The following WDR19 variants were observed in gnomAD, a reference collection of about 807,000 sequenced individuals.
The protein encoded by WDR19 is WD repeat domain 19, also known as WD repeat-containing protein 19.
In WDR19, 121 loss-of-function variants were observed where a neutral mutation model predicts 180.0. That is an observed-to-expected ratio of 0.67 (90% CI 0.58 to 0.78). The LOEUF (loss-of-function observed/expected upper bound fraction) is 0.78. Among genes scored for constraint, WDR19 ranks in the 30% least tolerant of loss-of-function variants. The probability of loss-of-function intolerance (pLI) is 0.00; values close to 1 mark genes in which losing one functional copy is unlikely to be tolerated. For synonymous variants in WDR19, 497 were observed against 540.7 expected (o/e 0.92, Z 1.12); for missense variants, 1,450 against 1,640.7 (o/e 0.88, Z 2.01).
intron 21 of WDR19, among the ~76,000 whole-genome samples, chr4:39,242,505 G>A (rs1187919377): frequency 3.9e-5 from 6 of 152,080 alleles, no homozygotes. Context: ...CTGAAGTATA[G>A]TTGTGGGGTT....
chr4:39,188,539 A>G (rs1725801814), intron 3 of WDR19, among the ~76,000 whole-genome samples: 1 of 151,216 alleles, frequency 6.6e-6, no homozygotes, highest in East Asian at 2.0e-4. Context: ...TAATCATTTG[A>G]GCCCAGGAGT....
At chr4:39,253,758 GAC>G in intron 25 of WDR19, 146 bp from the exon 26 acceptor site, 1 of 559,734 alleles carries the variant, frequency 1.8e-6, no homozygotes. Flanking sequence ...CTGCCTGGGT[GAC>G]AGAGTGTGAC....
chr4:39,207,546 CA>C, intron 9 of WDR19, among the ~76,000 whole-genome samples: 1 of 152,148 alleles, frequency 6.6e-6, no homozygotes, highest in East Asian at 1.9e-4. Context: ...TTTTGAATGA[CA>C]GTGGATTTTC....
chr4:39,197,667 T>C (rs1157351427), intron 5 of WDR19, among the ~76,000 whole-genome samples: 1 of 151,892 alleles, frequency 6.6e-6, no homozygotes. Flanking sequence ...AAAAAAAATA[T>C]ATAGTTTTTG....
At chr4:39,183,803 T>C (rs1411903541) in intron 1 of WDR19, among the ~76,000 whole-genome samples, 2 of 152,174 alleles carry the variant, frequency 1.3e-5, no homozygotes, top group African/African-American at 4.8e-5. Flanking sequence ...AGTCTTGGTT[T>C]TTTGGTTGTG....
chr4:39,201,475 C>T (rs1386413750), intron 6 of WDR19, among the ~76,000 whole-genome samples: 1 of 152,154 alleles, frequency 6.6e-6, no homozygotes, highest in African/African-American at 2.4e-5. Flanking sequence ...AAAACATTTA[C>T]TCATTCAGTA....
At chr4:39,275,462 C>T (rs1735806481) in intron 33 of WDR19, 1 of 187,992 alleles carries the variant, frequency 5.3e-6, no homozygotes, top group Admixed American at 5.3e-5. Context: ...GCATCACAGT[C>T]CAGAGCTGGT....
Position 39,216,212 on chromosome 4 carries a change from C to A in WDR19, c.1249+2C>A. On this transcript the variant is annotated splice_donor_variant, in intron 12 of 36. Coordinates refer to ENST00000399820, the MANE Select transcript of WDR19 (RefSeq NM_025132.4). LOFTEE classifies it high-confidence loss of function. ...GGTTTTATGTCCTTGGAGAAAATGG[C>A]AAGTCTAAATCCAGTTGTTTATTCT... is the stretch of plus-strand genomic sequence containing the variant. 1 of 1,555,026 alleles carries A rather than the reference C, an allele frequency of 6.4e-7. No homozygotes were observed. The highest frequency in any genetic ancestry group is 2.0e-5 in the Admixed American group (1 of 50,468).
chr4:39,200,079 C>A (rs1233112699), intron 6 of WDR19, among the ~76,000 whole-genome samples: 1 of 152,138 alleles, frequency 6.6e-6, no homozygotes, highest in African/African-American at 2.4e-5. Flanking sequence ...TCAGAGGCTC[C>A]CTCCTTATGG....
Position 39,228,705 on chromosome 4 carries a change from A to T in WDR19, c.1982+15A>T. 1 of 1,514,716 alleles carries T rather than the reference A, an allele frequency of 6.6e-7. No individual in the cohort carries two copies. The highest frequency in any genetic ancestry group is 8.8e-7 in the Non-Finnish European group (1 of 1,130,982). The allele number at this position is 1,514,716 out of a possible 1,614,324, so 93.8% of individuals were successfully genotyped here. Reference sequence around the variant, plus strand: ...ATGCTAAAGAGGTAGGCTTTCACACACTTCTTTTGGAACTTCTCATTTGCT... The same window carrying T: ...ATGCTAAAGAGGTAGGCTTTCACACTCTTCTTTTGGAACTTCTCATTTGCT... On this transcript the variant is annotated intron_variant, in intron 17 of 36. Transcript: ENST00000399820.
chr4:39,215,052 C>T lies in WDR19; in HGVS notation c.961+381C>T, dbSNP rs933001511. 5.3e-5 allele frequency among the ~76,000 whole-genome samples: 8 copies of T among 152,094 alleles called. No individual in the cohort carries two copies. The South Asian group carries it at 1.0e-3, about 20-fold the overall frequency. On this transcript the variant is annotated intron_variant, in intron 10 of 36. Transcript: ENST00000399820. ...CCTCCCAAAGTACTGGGATTATAGG[C>T]GTGAGCCACTGTGCCTGGCCAGAAA...
rs1177977020 is a variant in WDR19, at chr4:39,255,893, A to G, written c.3047A>G (p.Tyr1016Cys). The change falls in exon 27 of 37, where the codon TAC (tyrosine) becomes TGC (cysteine). Residue 1016 changes from tyrosine (Y) to cysteine (C), a missense_variant. Coordinates refer to ENST00000399820, the MANE Select transcript of WDR19 (RefSeq NM_025132.4). ...TNEDYQSIAL[Y>C]FEGEKRYLQA... ...GAAGACTATCAAAGCATTGCCTTAT[A>G]CTTTGAAGGAGAAAAGAGATATCTT... The G allele has an allele frequency of 3.1e-6, 5 of 1,608,672 alleles. No individual in the cohort carries two copies. Among genetic ancestry groups the G allele is most frequent in the Non-Finnish European group, 4.2e-6 (5 of 1,177,462 alleles).
rs1448769446 is a variant in WDR19, at chr4:39,244,253, T to C, written c.2427T>C (p.His809=). 3 of 1,610,396 alleles carry C rather than the reference T, an allele frequency of 1.9e-6. No homozygotes were observed. The highest frequency in any genetic ancestry group is 2.5e-6 in the Non-Finnish European group (3 of 1,177,382). ...EKGITGDNKE[H]DEACLAGVAQ... ...TGTTTGCCTTGTGATTGCAGGAACA[T>C]GATGAAGCTTGTCTGGCTGGAGTGG... is the stretch of plus-strand genomic sequence containing the variant. Residue 809 remains histidine, a synonymous_variant, in exon 22 of 37, where the codon CAT becomes CAC. Transcript: ENST00000399820.
At chr4:39,270,683 A>T (rs976821274) in intron 31 of WDR19, among the ~76,000 whole-genome samples, 2 of 152,166 alleles carry the variant, frequency 1.3e-5, no homozygotes, top group East Asian at 3.9e-4. Context: ...CAGCTTTCTT[A>T]TATTGTTTTG....
At chr4:39,276,311 T>C (rs143386539) in intron 33 of WDR19, among the ~76,000 whole-genome samples, 188 of 152,232 alleles carry the variant, frequency 1.2e-3, no homozygotes, top group East Asian at 7.7e-4. Context: ...CCAGAATACC[T>C]GCTAGTATGG....
chr4:39,252,780 A>G (rs917323678), intron 24 of WDR19, among the ~76,000 whole-genome samples: 3 of 152,132 alleles, frequency 2.0e-5, no homozygotes, highest in African/African-American at 7.2e-5. Context: ...CTAAGGATAT[A>G]TAAAGGTTTT....
rs1728227612 is a variant in WDR19, at chr4:39,208,968, G to A, written c.890+3232G>A. On this transcript the variant is annotated intron_variant, in intron 9 of 36. Coordinates refer to ENST00000399820, the MANE Select transcript of WDR19 (RefSeq NM_025132.4). ...AACTGTAATGTATAGAACCAACTAC[G>A]CAGAAGGTCAACAAGGATATAAAAG... Among the ~76,000 whole-genome samples, 4 of 152,098 alleles carry A rather than the reference G, an allele frequency of 2.6e-5. No individual in the cohort carries two copies. In the South Asian group the frequency reaches 8.3e-4, roughly 32 times the overall value.
At chr4:39,252,481 A>G (rs1469661569) in intron 24 of WDR19, among the ~76,000 whole-genome samples, 2 of 152,016 alleles carry the variant, frequency 1.3e-5, no homozygotes, top group Non-Finnish European at 2.9e-5. Flanking sequence ...CACGTTGTGC[A>G]CATGTACCCT....
chr4:39,205,273 C>G lies in WDR19; in HGVS notation c.716+7C>G, dbSNP rs1343544514. 6.4e-7 allele frequency: 1 copy of G among 1,568,880 alleles called. No individual in the cohort carries two copies. The highest frequency in any genetic ancestry group is 8.7e-7 in the Non-Finnish European group (1 of 1,151,974). On this transcript the variant is annotated splice_region_variant and intron_variant, in intron 8 of 36. Transcript: ENST00000399820. ...ACATTGTCTGCTATAATTGGTATGT[C>G]TGCTATAACTGGTATGTACAAAAAG...
Sources: gnomAD v4.1 joint callset for allele counts (sites outside exome capture counted in the v4.1 genomes callset) on GRCh38, gnomAD v4.1.1 for gene constraint, MANE v1.5 for transcripts, NCBI Gene and HGNC (gene_info 2026-07-23, HGNC 2026-07-21) for gene names.